Variants in DOP1A observed in about 807,000 individuals in gnomAD.
DOP1A encodes protein DOP1A.
Under a neutral mutation model 267.6 loss-of-function variants are expected in DOP1A, and 90 were observed. The observed-to-expected ratio is 0.34, with a 90% CI of 0.28 to 0.40. The LOEUF (loss-of-function observed/expected upper bound fraction) is 0.40. DOP1A is among the 10% of genes least tolerant of loss of function. The probability of loss-of-function intolerance (pLI) is 1.00; values close to 1 mark genes in which losing one functional copy is unlikely to be tolerated. For missense variants in DOP1A, 2,437 were observed against 2,900.4 expected (o/e 0.84, Z 3.67); for synonymous variants, 932 against 999.1 (o/e 0.93, Z 1.27).
At chr6:83,097,279 T>C (rs1238167642) in intron 3 of DOP1A, among the ~76,000 whole-genome samples, 164 bp downstream of exon 3, 1 of 152,118 alleles carries the variant, frequency 6.6e-6, no homozygotes, top group East Asian at 1.9e-4. Flanking sequence ...GCCTGTGTAG[T>C]CAAGCATATT....
downstream of DOP1A, chr6:83,170,927 T>A (rs1786958818): frequency 6.4e-6 from 1 of 155,160 alleles, no homozygotes; most frequent in South Asian, 2.0e-4. Flanking sequence ...CATAAACATG[T>A]ACAGAAATCA....
intron 34 of DOP1A, 133 bp from the exon 35 acceptor site, chr6:83,157,049 T>C: frequency 1.3e-6 from 1 of 761,458 alleles, no homozygotes; most frequent in Non-Finnish European, 2.0e-6. Context: ...TATGAAAATA[T>C]CTACAACAGT....
chr6:83,120,822 A>G (rs1400160636), intron 10 of DOP1A, 31 bp downstream of exon 10: 8 of 1,396,086 alleles, frequency 5.7e-6, no homozygotes, highest in African/African-American at 1.4e-5. Context: ...GCATAAGGTC[A>G]TGTGTGGTAC....
chr6:83,126,480 T>C (rs1247293242), intron 15 of DOP1A, among the ~76,000 whole-genome samples: 1 of 152,126 alleles, frequency 6.6e-6, no homozygotes, highest in Non-Finnish European at 1.5e-5. Context: ...AGTGGTGAGC[T>C]AAACATAGTC....
intron 1 of DOP1A, among the ~76,000 whole-genome samples, chr6:83,071,043 C>T (rs769588594): frequency 6.6e-6 from 1 of 152,174 alleles, no homozygotes; most frequent in South Asian, 2.1e-4. Flanking sequence ...AAATCAAAGT[C>T]CCCTTAATTT....
chr6:83,070,770 C>A, intron 1 of DOP1A, among the ~76,000 whole-genome samples: 1 of 151,874 alleles, frequency 6.6e-6, no homozygotes. Context: ...GGTGGCTAAC[C>A]CAGTGGCAAA....
At chr6:83,123,708 G>A (rs1776700817) in intron 12 of DOP1A, among the ~76,000 whole-genome samples, 1 of 152,124 alleles carries the variant, frequency 6.6e-6, no homozygotes, top group African/African-American at 2.4e-5. Flanking sequence ...TAGGCAGATA[G>A]ACAGTCCCTG....
In DOP1A at chr6:83,153,690, T is replaced by C. The variant is rs73749720; in HGVS notation, c.6239+70T>C. On this transcript the variant is annotated intron_variant, in intron 31 of 38. Transcript: ENST00000349129. ...GTTAGAAACAAGTTCTGTTCCCTTA[T>C]TGCCATTTCTAGAATTATCATAAAA... The C allele has an allele frequency of 3.7e-3, 4,811 of 1,295,482 alleles. 157 individuals carry two copies. In the African/African-American group the frequency reaches 0.064, roughly 17 times the overall value. 80.2% of individuals were successfully genotyped at this position (1,295,482 alleles called of 1,614,324 possible). A position where few individuals can be genotyped will look rare whatever the true frequency, so the allele number is the denominator to read the frequency against.
At chr6:83,070,283 C>G (rs971287771) in intron 1 of DOP1A, among the ~76,000 whole-genome samples, 2 of 152,088 alleles carry the variant, frequency 1.3e-5, no homozygotes, top group African/African-American at 4.8e-5. Flanking sequence ...TAATAGTTAA[C>G]AGTTTTTATT....
chr6:83,149,663 T>C (rs1562366813), intron 27 of DOP1A, among the ~76,000 whole-genome samples: 1 of 151,930 alleles, frequency 6.6e-6, no homozygotes, highest in East Asian at 1.9e-4. Flanking sequence ...GGCATGTTAG[T>C]AGTAGTAGGC....
At chr6:83,152,223 C>T in intron 29 of DOP1A, 65 bp from the exon 30 acceptor site, 1 of 910,686 alleles carries the variant, frequency 1.1e-6, no homozygotes, top group Non-Finnish European at 1.7e-6. Context: ...CACACACACA[C>T]ACACACACAT....
chr6:83,148,790 G>C lies in DOP1A; in HGVS notation c.5764G>C (p.Ala1922Pro). ...IPVPNLVDSWASLLILLKDSI... is the reference protein window; with the variant it reads ...IPVPNLVDSWPSLLILLKDSI... Reference sequence around the variant, plus strand: ...AGTGCCCAATTTAGTGGATAGCTGGGCGTCACTGTTGATACTTCTGAAAGA... The same window carrying C: ...AGTGCCCAATTTAGTGGATAGCTGGCCGTCACTGTTGATACTTCTGAAAGA... The change falls in exon 27 of 39, where the codon GCG (alanine) becomes CCG (proline). Residue 1922 changes from alanine (A) to proline (P), a missense_variant. Physicochemically the swap from Ala to Pro is conservative, Grantham distance 27 (BLOSUM62 -1). Around this residue, in one of 9 missense-constraint regions of DOP1A, gnomAD observed 216 missense variants for 283.3 expected, o/e 0.76. Transcript: ENST00000349129. 1 of 1,559,730 alleles carries C rather than the reference G, an allele frequency of 6.4e-7. No individual in the cohort carries two copies.
intron 33 of DOP1A, among the ~76,000 whole-genome samples, chr6:83,155,475 A>G (rs1334642302): frequency 1.3e-5 from 2 of 152,010 alleles, no homozygotes; most frequent in Admixed American, 6.6e-5. Flanking sequence ...GAAAAATACA[A>G]ATAAATTGCA....
rs1777079369 is a variant in DOP1A at position 83,125,911 on chromosome 6, C to T, written c.1719+178C>T. On this transcript the variant is annotated intron_variant, in intron 15 of 38. Transcript: ENST00000349129. Reference sequence around the variant, plus strand: ...TATAGGGCAGTTTAATTATCTTTATCAGTACTTTCCAGTAGAAGTATCATG... The same window carrying T: ...TATAGGGCAGTTTAATTATCTTTATTAGTACTTTCCAGTAGAAGTATCATG... 3.9e-5 allele frequency among the ~76,000 whole-genome samples: 6 copies of T among 151,976 alleles called. No homozygotes were observed. In the South Asian group the frequency reaches 1.2e-3, roughly 32 times the overall value.
At chr6:83,096,374 T>C (rs1771512111) in intron 1 of DOP1A, among the ~76,000 whole-genome samples, 1 of 151,410 alleles carries the variant, frequency 6.6e-6, no homozygotes, top group African/African-American at 2.4e-5. Flanking sequence ...TGAGCCACTG[T>C]ACTCAGCTGT....
At chr6:83,169,204 T>C (rs757016467), downstream of DOP1A, 7 of 1,612,940 alleles carry the variant, frequency 4.3e-6, no homozygotes, top group Admixed American at 1.0e-4. Context: ...TTGTAAAAAG[T>C]CCAGTTTCTC....
At chr6:83,113,837 G>A (rs899736007) in intron 7 of DOP1A, among the ~76,000 whole-genome samples, 3 of 152,118 alleles carry the variant, frequency 2.0e-5, no homozygotes, top group African/African-American at 7.2e-5. Flanking sequence ...TAGCCACTGT[G>A]ATATTCTATA....
In DOP1A at chr6:83,168,355, G is replaced by T. The variant is rs1562403366; in HGVS notation, c.*188G>T. 7.9e-6 allele frequency: 11 copies of T among 1,397,708 alleles called. No homozygotes were observed. Among genetic ancestry groups the T allele is most frequent in the Non-Finnish European group, 1.0e-5 (11 of 1,080,304 alleles). 86.6% of individuals were successfully genotyped at this position (1,397,708 alleles called of 1,614,324 possible). A position where few individuals can be genotyped will look rare whatever the true frequency, so the allele number is the denominator to read the frequency against. ...CCTGAATCAAGTTTAAATATTGTTG[G>T]CTCATACTGATTATGGTGCCTAAGA... On this transcript the variant is annotated 3_prime_UTR_variant, in exon 39 of 39. Transcript: ENST00000349129.
In DOP1A at chr6:83,141,904, G is replaced by A; in HGVS notation, c.5416-17G>A. 6 of 1,575,474 alleles carry A rather than the reference G, an allele frequency of 3.8e-6. No homozygotes were observed. Among genetic ancestry groups the A allele is most frequent in the Non-Finnish European group, 5.1e-6 (6 of 1,167,950 alleles). ...TTTTTTAAAAGTTTCACTTTCATTT[G>A]CTTCAAATTGTTTTAGAACTTGAGA... On this transcript the variant is annotated splice_polypyrimidine_tract_variant and intron_variant, in intron 23 of 38. Transcript: ENST00000349129.
Sources: gnomAD v4.1 joint callset for allele counts (sites outside exome capture counted in the v4.1 genomes callset) on GRCh38, gnomAD v4.1.1 for gene constraint, gnomAD v4.1.1 regional missense constraint, MANE v1.5 for transcripts, NCBI Gene and HGNC (gene_info 2026-07-23, HGNC 2026-07-21) for gene names.